IL1RAPL2: variants seen among roughly 807,000 people sequenced by gnomAD.
IL1RAPL2 encodes the protein X-linked interleukin-1 receptor accessory protein-like 2.
A neutral mutation model predicts 44.1 loss-of-function variants in IL1RAPL2; 3 were observed. The ratio of observed to expected loss-of-function variants is 0.07; its 90% confidence interval spans 0.03 to 0.18. IL1RAPL2 has a LOEUF of 0.18. Ranked by LOEUF, IL1RAPL2 falls within the 10% of genes least tolerant of loss-of-function variation. The pLI is 1.00. For synonymous variants in IL1RAPL2, 181 were observed against 178.8 expected (o/e 1.01, Z -0.10); for missense variants, 391 against 496.4 (o/e 0.79, Z 2.02).
intron 1 of IL1RAPL2, among the ~76,000 whole-genome samples, chrX:104,636,309 C>T (rs1431519144): frequency 8.9e-6 from 1 of 112,282 alleles, no homozygotes; most frequent in Non-Finnish European, 1.9e-5. Flanking sequence ...CTTGAGGAGG[C>T]AGTCTGTCCA....
At chrX:105,451,996 A>G (rs2036022809) in intron 5 of IL1RAPL2, among the ~76,000 whole-genome samples, 1 of 110,417 alleles carries the variant, frequency 9.1e-6, no homozygotes, top group Non-Finnish European at 1.9e-5. Flanking sequence ...GGCCTAAAAA[A>G]CCCTCTATAA....
chrX:104,678,301 G>A (rs1413503338), intron 2 of IL1RAPL2, among the ~76,000 whole-genome samples: 1 of 112,097 alleles, frequency 8.9e-6, no homozygotes, highest in African/African-American at 3.2e-5. Context: ...CAATACCAGA[G>A]GGAGAATGGT....
At chrX:105,666,515 T>G (rs767275454) in intron 6 of IL1RAPL2, among the ~76,000 whole-genome samples, 1 of 111,729 alleles carries the variant, frequency 9.0e-6, no homozygotes, top group Non-Finnish European at 1.9e-5. Flanking sequence ...TACAATATAG[T>G]GTGTGCATCG....
chrX:105,179,421 T>C (rs1267505047), intron 2 of IL1RAPL2, among the ~76,000 whole-genome samples: 1 of 112,097 alleles, frequency 8.9e-6, no homozygotes, highest in Non-Finnish European at 1.9e-5. Context: ...AATCACGTAA[T>C]GTGATGCCTG....
chrX:104,761,497 C>T (rs770266123), intron 2 of IL1RAPL2, among the ~76,000 whole-genome samples: 8 of 110,159 alleles, frequency 7.3e-5, no homozygotes, highest in African/African-American at 1.7e-4. Flanking sequence ...CATTCTCCTC[C>T]GGCCCCTCCC....
chrX:104,939,050 CTT>C (rs60881835), intron 2 of IL1RAPL2, among the ~76,000 whole-genome samples: 1 of 81,495 alleles, frequency 1.2e-5, no homozygotes, highest in East Asian at 4.0e-4. Context: ...TGCATGCTAG[CTT>C]TTTTTTTTTT....
chrX:105,687,261 A>G lies in IL1RAPL2; in HGVS notation c.773-30106A>G, dbSNP rs534211507. Among the ~76,000 whole-genome samples the G allele has an allele frequency of 3.7e-5, 4 of 109,332 alleles. No homozygotes were observed. In the South Asian group the frequency reaches 1.5e-3, roughly 42 times the overall value. 94.9% of individuals were successfully genotyped at this position (109,332 alleles called of 115,157 possible). A position where few individuals can be genotyped will look rare whatever the true frequency, so the allele number is the denominator to read the frequency against. The stretch of plus-strand genomic sequence containing the variant: ...AAAGAGATAGAGACACAAAAAAAAA[A>G]CCCTTCAAAAAATCAATGAATCCAG... On this transcript the variant is annotated intron_variant, in intron 6 of 10. Transcript: ENST00000372582.
At chrX:105,361,519 T>C (rs2035247504) in intron 5 of IL1RAPL2, among the ~76,000 whole-genome samples, 1 of 111,314 alleles carries the variant, frequency 9.0e-6, no homozygotes, top group African/African-American at 3.3e-5. Flanking sequence ...ATAATAAGAA[T>C]AGGAGAAATA....
intron 2 of IL1RAPL2, among the ~76,000 whole-genome samples, chrX:104,944,359 T>C (rs1201648252): frequency 1.8e-5 from 2 of 112,132 alleles, no homozygotes; most frequent in Non-Finnish European, 3.8e-5. Flanking sequence ...ATCACTCATA[T>C]TTCACAGAGT....
intron 5 of IL1RAPL2, among the ~76,000 whole-genome samples, chrX:105,359,809 G>A (rs954191733): frequency 3.6e-5 from 4 of 109,838 alleles, no homozygotes; most frequent in African/African-American, 1.3e-4. Flanking sequence ...ATTGGTTATC[G>A]TTCACCAATA....
intron 2 of IL1RAPL2, among the ~76,000 whole-genome samples, chrX:105,108,494 A>ATTTTTT (rs71816209): frequency 1.2e-4 from 9 of 73,638 alleles, no homozygotes; most frequent in Admixed American, 1.8e-4. Context: ...CCATGCCCGG[A>ATTTTTT]TTTTTTTTTT....
intron 2 of IL1RAPL2, among the ~76,000 whole-genome samples, chrX:104,939,119 C>T (rs991208071): frequency 3.0e-5 from 3 of 99,679 alleles, no homozygotes; most frequent in Admixed American, 1.1e-4. Flanking sequence ...CGCAGTGGTG[C>T]GATCTTGGCT....
chrX:105,380,856 T>C (rs892785689), intron 5 of IL1RAPL2, among the ~76,000 whole-genome samples: 3 of 111,370 alleles, frequency 2.7e-5, no homozygotes, highest in Non-Finnish European at 5.7e-5. Flanking sequence ...TGTTATAGTG[T>C]GAATTCTCTG....
At chrX:105,498,057 C>T (rs2036367689) in intron 6 of IL1RAPL2, among the ~76,000 whole-genome samples, 1 of 111,059 alleles carries the variant, frequency 9.0e-6, no homozygotes, top group South Asian at 3.8e-4. Flanking sequence ...ATTGCCAGAG[C>T]GATCAGGCAA....
At chrX:105,156,738 A>G (rs1052537798) in intron 2 of IL1RAPL2, among the ~76,000 whole-genome samples, 5 of 112,544 alleles carry the variant, frequency 4.4e-5, no homozygotes, top group Admixed American at 9.4e-5. Context: ...TCCCAATATT[A>G]TAAAGGTTCA....
intron 2 of IL1RAPL2, among the ~76,000 whole-genome samples, chrX:104,698,082 G>C (rs1931210969): frequency 8.9e-6 from 1 of 112,513 alleles, no homozygotes; most frequent in African/African-American, 3.2e-5. Flanking sequence ...CCAGTTCCTT[G>C]ACGGCTGTTG....
chrX:104,886,941 G>T (rs1439156043), intron 2 of IL1RAPL2, among the ~76,000 whole-genome samples: 9 of 112,250 alleles, frequency 8.0e-5, no homozygotes, highest in Non-Finnish European at 1.5e-4. Flanking sequence ...GGCTACTCTA[G>T]ATCTGCTGAA....
chrX:105,018,174 G>T, intron 2 of IL1RAPL2, among the ~76,000 whole-genome samples: 1 of 111,517 alleles, frequency 9.0e-6, no homozygotes, highest in Non-Finnish European at 1.9e-5. Context: ...TTCATAGATT[G>T]GTCTTTCAGA....
At chrX:104,639,686 G>A (rs1180325894) in intron 1 of IL1RAPL2, among the ~76,000 whole-genome samples, 1 of 110,736 alleles carries the variant, frequency 9.0e-6, no homozygotes, top group Non-Finnish European at 1.9e-5. Flanking sequence ...TATTTCTTGT[G>A]GGTTTCATCT....
Sources: allele counts gnomAD v4.1 joint callset (sites outside exome capture counted in the v4.1 genomes callset), GRCh38; gene constraint gnomAD v4.1.1; transcripts MANE v1.5; gene names NCBI Gene and HGNC (gene_info 2026-07-23, HGNC 2026-07-21).